Variants in PDGFRA observed in about 807,000 individuals in gnomAD.
PDGFRA encodes platelet-derived growth factor receptor alpha.
PDGFRA carries 25 observed loss-of-function variants against 121.5 expected under a neutral mutation model. The observed-to-expected ratio is 0.21, with a 90% CI of 0.15 to 0.29. The LOEUF (loss-of-function observed/expected upper bound fraction) is 0.29, where lower values mean the gene tolerates loss of function less well. Among genes scored for constraint, PDGFRA ranks in the 10% least tolerant of loss-of-function variants. The pLI, the probability that PDGFRA is intolerant of heterozygous loss-of-function variation, is 1.00. For synonymous variants in PDGFRA, 463 were observed against 494.8 expected, an observed-to-expected ratio of 0.94 and a Z score of 0.85; for missense variants, 1,008 against 1,345.1, an observed-to-expected ratio of 0.75 and a Z score of 3.92.
rs1035060065 is a variant in PDGFRA, at chr4:54,278,534, G to T, written c.2156+19G>T. On this transcript the variant is annotated intron_variant, in intron 15 of 22. Coordinates refer to ENST00000257290, the MANE Select transcript of PDGFRA (RefSeq NM_006206.6). Reference sequence around the variant, plus strand: ...CACGGAGGTGGGTGCAAAGAGAGATGTTGCTGTCTATCATTATCTTACAGG... The same window carrying T: ...CACGGAGGTGGGTGCAAAGAGAGATTTTGCTGTCTATCATTATCTTACAGG... 1.2e-6 allele frequency: 2 copies of T among 1,611,042 alleles called. No homozygotes were observed. Among genetic ancestry groups the T allele is most frequent in the Non-Finnish European group, 1.7e-6 (2 of 1,177,204 alleles).
chr4:54,281,743 G>T (rs1405721098), intron 16 of PDGFRA: 1 of 1,353,142 alleles, frequency 7.4e-7, no homozygotes, highest in African/African-American at 1.4e-5. Context: ...TTTTCAAAAA[G>T]AATTGAGAAC....
chr4:54,266,673 G>A (rs1254518250), intron 5 of PDGFRA, among the ~76,000 whole-genome samples: 1 of 152,088 alleles, frequency 6.6e-6, no homozygotes, highest in Non-Finnish European at 1.5e-5. Flanking sequence ...CCTTATATGT[G>A]TCATTAACTG....
chr4:54,255,851 A>T (rs931491613), intron 1 of PDGFRA, among the ~76,000 whole-genome samples: 1 of 151,860 alleles, frequency 6.6e-6, no homozygotes, highest in African/African-American at 2.4e-5. Flanking sequence ...CAAACAGTTT[A>T]TTCAGTAATT....
At position 54,229,380 on chromosome 4, in the gene PDGFRA, T is replaced by C. The variant is rs909943033; in HGVS notation, c.-48T>C. 1.5e-5 allele frequency: 6 copies of C among 398,416 alleles called. No homozygotes were observed. The highest frequency in any genetic ancestry group is 4.4e-5 in the Admixed American group (1 of 22,698). 24.7% of individuals were successfully genotyped at this position (398,416 alleles called of 1,614,324 possible). The stretch of plus-strand genomic sequence containing the variant: ...GTGGGCACGCTCTTTACTCCATGTG[T>C]GGGACATTCATTGCGGAATAACATC... On this transcript the variant is annotated 5_prime_UTR_variant, in exon 1 of 23. Coordinates refer to ENST00000257290, the MANE Select transcript of PDGFRA (RefSeq NM_006206.6).
At chr4:54,258,882 C>A in intron 2 of PDGFRA, 65 bp downstream of exon 2, 3 of 1,321,068 alleles carry the variant, frequency 2.3e-6, no homozygotes, top group Non-Finnish European at 3.3e-6. Context: ...CTTTGTGCTG[C>A]ATGGGTTTAT....
rs1577705804 is a variant in PDGFRA, at chr4:54,261,372, G to C, written c.327G>C (p.Glu109Asp). ...ATTACAACCACACTCAGACAGAAGA[G>C]AATGAGCTTGAAGGCAGGCACATTT... ...TCYYNHTQTE[E>D]NELEGRHIYI... The change falls in exon 3 of 23, where the codon GAG becomes GAC. Residue 109 changes from glutamate to aspartate, a missense_variant. Glu to Asp is a conservative substitution (Grantham distance 45). This residue lies in a region of PDGFRA where 575 missense variants were observed against 701.8 expected (regional missense o/e 0.82). Transcript: ENST00000257290. The C allele has an allele frequency of 6.2e-7, 1 of 1,614,116 alleles. No individual in the cohort carries two copies. The highest frequency in any genetic ancestry group is 8.5e-7 in the Non-Finnish European group (1 of 1,180,016).
rs1721139701 is a variant in PDGFRA at position 54,238,714 on chromosome 4, A to G, written c.-13+9299A>G. ...GGTTTGGTGGCTCATTCCTGTAATC[A>G]TAGTACTTTGGGAGGCCAAGGCAGG... On this transcript the variant is annotated intron_variant, in intron 1 of 22. Coordinates refer to ENST00000257290, the MANE Select transcript of PDGFRA (RefSeq NM_006206.6). Among the ~76,000 whole-genome samples, 3 of 152,192 alleles carry G rather than the reference A, an allele frequency of 2.0e-5. No individual in the cohort carries two copies. The South Asian group carries it at 6.2e-4, about 31-fold the overall frequency.
intron 19 of PDGFRA, among the ~76,000 whole-genome samples, chr4:54,287,834 C>A (rs528369130): frequency 1.3e-5 from 2 of 152,178 alleles, no homozygotes; most frequent in Non-Finnish European, 2.9e-5. Context: ...CAATGACATT[C>A]GCATCCCAGC....
intron 21 of PDGFRA, among the ~76,000 whole-genome samples, chr4:54,289,424 A>G (rs1220892106): frequency 6.6e-6 from 1 of 152,182 alleles, no homozygotes; most frequent in African/African-American, 2.4e-5. Flanking sequence ...TTACATCACT[A>G]ATTTGAGTGC....
At chr4:54,267,008 A>G (rs989074454) in intron 5 of PDGFRA, among the ~76,000 whole-genome samples, 1 of 152,082 alleles carries the variant, frequency 6.6e-6, no homozygotes, top group Non-Finnish European at 1.5e-5. Flanking sequence ...AAAATAAAAA[A>G]TCTCATGATT....
intron 1 of PDGFRA, among the ~76,000 whole-genome samples, chr4:54,232,325 C>T (rs1173650744): frequency 5.3e-5 from 8 of 152,168 alleles, no homozygotes; most frequent in Admixed American, 1.3e-4. Flanking sequence ...TCGGGTTCTG[C>T]CAGATGGTTG....
At chr4:54,276,617 C>T (rs1325659013) in intron 12 of PDGFRA, 1 of 152,218 alleles carries the variant, frequency 6.6e-6, no homozygotes, top group Non-Finnish European at 1.5e-5. Flanking sequence ...TACCAAGAGG[C>T]ATTGCTGGTG....
intron 1 of PDGFRA, among the ~76,000 whole-genome samples, chr4:54,241,429 T>C (rs1560449987): frequency 6.6e-6 from 1 of 152,186 alleles, no homozygotes; most frequent in Non-Finnish European, 1.5e-5. Flanking sequence ...TCCAAGCATG[T>C]TGTAGATGAC....
intron 1 of PDGFRA, among the ~76,000 whole-genome samples, chr4:54,232,892 G>T (rs150645282): frequency 6.6e-6 from 1 of 152,262 alleles, no homozygotes; most frequent in Non-Finnish European, 1.5e-5. Flanking sequence ...GGCCAGGAAC[G>T]GTTCTTAAAT....
intron 1 of PDGFRA, among the ~76,000 whole-genome samples, chr4:54,249,881 G>C (rs79938737): frequency 0.062 from 9,385 of 152,168 alleles, 297 homozygotes; most frequent in Middle Eastern, 0.095. Context: ...AAGCACAACA[G>C]AGTTTTCTAG....
intron 5 of PDGFRA, among the ~76,000 whole-genome samples, chr4:54,266,064 C>T (rs533110126): frequency 6.6e-6 from 1 of 152,326 alleles, no homozygotes; most frequent in South Asian, 2.1e-4. Flanking sequence ...CATTTACAGT[C>T]CAACAAATGT....
intron 1 of PDGFRA, among the ~76,000 whole-genome samples, chr4:54,243,245 A>C (rs1721410409): frequency 6.6e-6 from 1 of 152,184 alleles, no homozygotes; most frequent in Non-Finnish European, 1.5e-5. Flanking sequence ...TCCTAGGCTC[A>C]ACACCTGCTA....
chr4:54,246,388 A>G (rs1475357929), intron 1 of PDGFRA, among the ~76,000 whole-genome samples: 2 of 152,244 alleles, frequency 1.3e-5, no homozygotes, highest in Non-Finnish European at 2.9e-5. Flanking sequence ...CAGTGCAATC[A>G]AACCAGAACT....
At chr4:54,247,626 G>A (rs911089718) in intron 1 of PDGFRA, among the ~76,000 whole-genome samples, 7 of 152,096 alleles carry the variant, frequency 4.6e-5, no homozygotes, top group Non-Finnish European at 7.3e-5. Context: ...TACTGAATGG[G>A]CAAAAACTGG....
Sources: gnomAD v4.1 joint callset for allele counts (sites outside exome capture counted in the v4.1 genomes callset) on GRCh38, gnomAD v4.1.1 for gene constraint, gnomAD v4.1.1 regional missense constraint, MANE v1.5 for transcripts, NCBI Gene and HGNC (gene_info 2026-07-23, HGNC 2026-07-21) for gene names.